ZNF326: variants seen among roughly 807,000 people sequenced by gnomAD.
ZNF326 encodes zinc finger protein 326, also known as DBIRD complex subunit ZNF326.
In ZNF326, 30 loss-of-function variants were observed where a neutral mutation model predicts 63.1. The ratio of observed to expected loss-of-function variants is 0.48; its 90% CI spans 0.36 to 0.64. The LOEUF (loss-of-function observed/expected upper bound fraction) is 0.64, where lower values mean the gene tolerates loss of function less well. Ranked by LOEUF, ZNF326 falls within the 30% of genes least tolerant of loss-of-function variation. The probability of loss-of-function intolerance (pLI) is 0.00; values close to 1 mark genes in which losing one functional copy is unlikely to be tolerated. For synonymous variants in ZNF326, 194 were observed against 228.2 expected (o/e 0.85, Z 1.35); for missense variants, 609 against 720.3 (o/e 0.85, Z 1.77).
chr1:90,024,697 CT>C (rs1649929674), intron 11 of ZNF326, among the ~76,000 whole-genome samples: 2 of 152,048 alleles, frequency 1.3e-5, no homozygotes, highest in Non-Finnish European at 1.5e-5. Context: ...TCACTGCAGC[CT>C]TGAACTCCTG....
rs768079748 is a variant in ZNF326, at chr1:90,005,238, G to A, written c.203G>A (p.Gly68Asp). The part of the protein sequence containing the change: ...GMDNHSGGGG[G>D]SRFGPYESYD... ...GACAATCACAGTGGTGGTGGTGGGG[G>A]TAGCAGGTAAATTGCTTAATCATTT... The change falls in exon 4 of 12, where the codon GGT becomes GAT. Residue 68 changes from glycine (G) to aspartate (D), a missense_variant. Around this residue, in one of 3 missense-constraint regions of ZNF326, gnomAD observed 113 missense variants for 187.4 expected, o/e 0.60. Coordinates refer to ENST00000340281, the MANE Select transcript of ZNF326 (RefSeq NM_182976.4). 1 of 1,610,720 alleles carries A rather than the reference G, an allele frequency of 6.2e-7. No homozygotes were observed. The highest frequency in any genetic ancestry group is 8.5e-7 in the Non-Finnish European group (1 of 1,179,044).
rs1232552220 is a variant in ZNF326 at position 90,033,725 on chromosome 1, A to T, written c.*6024A>T. On this transcript the variant is annotated 3_prime_UTR_variant, in exon 12 of 12. Coordinates refer to ENST00000340281, the MANE Select transcript of ZNF326 (RefSeq NM_182976.4). The stretch of plus-strand genomic sequence containing the variant: ...AAGTTACAGTAAAAGACATAGATGT[A>T]TCTCTTAAAGACATAGAAAACCCAG... 6.6e-6 allele frequency: 1 copy of T among 152,194 alleles called. No individual in the cohort carries two copies. The highest frequency in any genetic ancestry group is 1.5e-5 in the Non-Finnish European group (1 of 68,012). The allele number at this position is 152,194 out of a possible 1,614,324, so 9.4% of individuals were successfully genotyped here.
intron 8 of ZNF326, among the ~76,000 whole-genome samples, chr1:90,017,775 G>A (rs1440573364): frequency 6.6e-6 from 1 of 152,156 alleles, no homozygotes; most frequent in African/African-American, 2.4e-5. Flanking sequence ...CGTTATTTCA[G>A]TTGAGCCCTG....
chr1:90,007,243 A>G lies in ZNF326; in HGVS notation c.210-102A>G. ...AACTGTGCAAACCAGTATGGTATAA[A>G]TGAATTTTAGTTGATAAATGTCATC... On this transcript the variant is annotated intron_variant, in intron 4 of 11. Coordinates refer to ENST00000340281, the MANE Select transcript of ZNF326 (RefSeq NM_182976.4). This position sits in a 1 kb window ranked among gnomAD's most constrained non-coding sequence, Gnocchi z 4.9. 1 of 1,241,588 alleles carries G rather than the reference A, an allele frequency of 8.1e-7. No homozygotes were observed. The highest frequency in any genetic ancestry group is 1.5e-5 in the South Asian group (1 of 68,140). The allele number at this position is 1,241,588 out of a possible 1,614,324, so 76.9% of individuals were successfully genotyped here.
intron 5 of ZNF326, 147 bp from the exon 6 acceptor site, chr1:90,009,940 GT>G: frequency 1.5e-6 from 1 of 677,766 alleles, no homozygotes; most frequent in Non-Finnish European, 2.4e-6. Flanking sequence ...TTTTCAATGT[GT>G]TTTTTCAGAA....
In ZNF326 at chr1:90,030,924, A is replaced by G. The variant is rs1209989934; in HGVS notation, c.*3223A>G. ...CAGTCCTCCCACCTCAGCTTCCCAA[A>G]GTGCTAGAATTACAGGCATGAGCCA... On this transcript the variant is annotated 3_prime_UTR_variant, in exon 12 of 12. Coordinates refer to ENST00000340281, the MANE Select transcript of ZNF326 (RefSeq NM_182976.4). 1.3e-5 allele frequency: 2 copies of G among 152,216 alleles called. No homozygotes were observed. The highest frequency in any genetic ancestry group is 1.5e-5 in the Non-Finnish European group (1 of 68,054). The allele number at this position is 152,216 out of a possible 1,614,324, so 9.4% of individuals were successfully genotyped here. A position where few individuals can be genotyped will look rare whatever the true frequency, so the allele number is the denominator to read the frequency against.
At chr1:90,008,749 A>G (rs1205945876) in intron 5 of ZNF326, among the ~76,000 whole-genome samples, 1 of 152,184 alleles carries the variant, frequency 6.6e-6, no homozygotes, top group Non-Finnish European at 1.5e-5. Flanking sequence ...TTAGCTTTTG[A>G]TATGTCAGTG....
At chr1:90,017,243 A>G (rs189337316) in intron 7 of ZNF326, 74 bp from the exon 8 acceptor site, 3 of 1,042,636 alleles carry the variant, frequency 2.9e-6, no homozygotes, top group Admixed American at 6.8e-5. Context: ...AATTAGTTTC[A>G]ATGTTATATT....
At position 90,022,454 on chromosome 1, in the gene ZNF326, A is replaced by G. The variant is rs976783806; in HGVS notation, c.1401+109A>G. ...TTGAATATAGTATAACATATTAAGAAGAATTTTACTCAGTATCTTGCATAT... is the reference window on the plus strand; with the variant it reads ...TTGAATATAGTATAACATATTAAGAGGAATTTTACTCAGTATCTTGCATAT... On this transcript the variant is annotated intron_variant, in intron 11 of 11. Coordinates refer to ENST00000340281, the MANE Select transcript of ZNF326 (RefSeq NM_182976.4). 9 of 807,252 alleles carry G rather than the reference A, an allele frequency of 1.1e-5. No homozygotes were observed. In the Admixed American group the frequency reaches 2.0e-4, roughly 18 times the overall value. 50.0% of individuals were successfully genotyped at this position (807,252 alleles called of 1,614,324 possible). A position where few individuals can be genotyped will look rare whatever the true frequency, so the allele number is the denominator to read the frequency against.
chr1:90,001,218 A>G (rs1275640223), intron 2 of ZNF326, among the ~76,000 whole-genome samples: 1 of 152,090 alleles, frequency 6.6e-6, no homozygotes, highest in Non-Finnish European at 1.5e-5. Context: ...GGGGGTGCAA[A>G]ATCTCCCCTA....
At chr1:90,011,239 C>T (rs1649216100) in intron 6 of ZNF326, among the ~76,000 whole-genome samples, 1 of 152,054 alleles carries the variant, frequency 6.6e-6, no homozygotes, top group Non-Finnish European at 1.5e-5. Context: ...CCTTCTCTGT[C>T]AGGTGTAAAA....
At position 90,017,299 on chromosome 1, in the gene ZNF326, CTTT is replaced by C. The variant is rs544630103; in HGVS notation, c.927-12_927-10del. 5.8e-6 allele frequency: 9 copies of C among 1,543,546 alleles called. No homozygotes were observed. Among genetic ancestry groups the C allele is most frequent in the Admixed American group, 2.2e-5 (1 of 45,392 alleles). ...GAATAAAGTAATATTTAAAGGAAAA[CTTT>C]TTTTTCTCTTACAGAATGGCATTTA... On this transcript the variant is annotated splice_polypyrimidine_tract_variant and intron_variant, in intron 7 of 11. Coordinates refer to ENST00000340281, the MANE Select transcript of ZNF326 (RefSeq NM_182976.4).
At chr1:89,999,946 AATAAT>A (rs1195063867) in intron 2 of ZNF326, among the ~76,000 whole-genome samples, 13 of 152,246 alleles carry the variant, frequency 8.5e-5, no homozygotes, top group Non-Finnish European at 2.9e-5. Context: ...CAAGATAAGA[AATAAT>A]ATATATGTCA....
intron 8 of ZNF326, among the ~76,000 whole-genome samples, chr1:90,018,291 CAAA>C (rs990615746): frequency 4.3e-5 from 4 of 93,880 alleles, no homozygotes; most frequent in Admixed American, 1.2e-4. Context: ...GACTCCATCT[CAAA>C]AAAAAAAAAA....
Position 90,013,114 on chromosome 1 carries a change from G to T in ZNF326, c.815-12G>T. 6.3e-7 allele frequency: 1 copy of T among 1,597,670 alleles called. No homozygotes were observed. The highest frequency in any genetic ancestry group is 8.5e-7 in the Non-Finnish European group (1 of 1,173,498). On this transcript the variant is annotated splice_polypyrimidine_tract_variant and intron_variant, in intron 6 of 11. Transcript: ENST00000340281. ...TGAATTTTAGCTTTTACTTTTTTGT[G>T]TAATATCCTAGCAAAAACTGATCCT... is the stretch of plus-strand genomic sequence containing the variant.
intron 8 of ZNF326, among the ~76,000 whole-genome samples, chr1:90,017,886 G>C (rs1649575204): frequency 6.6e-6 from 1 of 152,202 alleles, no homozygotes; most frequent in African/African-American, 2.4e-5. Context: ...GTTTAGCAAA[G>C]GGAAAGACAG....
intron 5 of ZNF326, among the ~76,000 whole-genome samples, chr1:90,008,427 TTTC>T (rs1464629902): frequency 2.0e-5 from 3 of 152,342 alleles, no homozygotes; most frequent in African/African-American, 4.8e-5. Context: ...ATGTTTATGG[TTTC>T]TTCTTAGGAA....
Position 90,009,695 on chromosome 1 carries a change from T to C in ZNF326, c.616-393T>C, listed in dbSNP as rs552424616. Among the ~76,000 whole-genome samples the C allele has an allele frequency of 1.1e-4, 17 of 152,268 alleles. No homozygotes were observed. The East Asian group carries it at 2.7e-3, about 24-fold the overall frequency. Reference sequence around the variant, plus strand: ...TTTGTGTATCTTAGTTTTAGTAAAATAAAGATTTCTTTTAGGGTCTTTTCA... The same window carrying C: ...TTTGTGTATCTTAGTTTTAGTAAAACAAAGATTTCTTTTAGGGTCTTTTCA... On this transcript the variant is annotated intron_variant, in intron 5 of 11. Coordinates refer to ENST00000340281, the MANE Select transcript of ZNF326 (RefSeq NM_182976.4).
chr1:90,007,708 T>C lies in ZNF326; in HGVS notation c.573T>C (p.Asp191=). The C allele has an allele frequency of 1.3e-6, 2 of 1,515,664 alleles. No individual in the cohort carries two copies. Among genetic ancestry groups the C allele is most frequent in the Non-Finnish European group, 1.8e-6 (2 of 1,132,804 alleles). 93.9% of individuals were successfully genotyped at this position (1,515,664 alleles called of 1,614,324 possible). A position where few individuals can be genotyped will look rare whatever the true frequency, so the allele number is the denominator to read the frequency against. ...PESTFGSRNY[D]AFGGPSTGRG... is the part of the protein sequence containing the mutation. ...GTACGTTTGGAAGCAGAAACTATGA[T>C]GCTTTTGGAGGACCATCAACAGGCA... The change falls in exon 5 of 12, where the codon GAT becomes GAC. Residue 191 remains aspartate (D), a synonymous_variant. Transcript: ENST00000340281. This position sits in a 1 kb window ranked among gnomAD's most constrained non-coding sequence, Gnocchi z 4.9.
Sources: allele counts gnomAD v4.1 joint callset (sites outside exome capture counted in the v4.1 genomes callset), GRCh38; gene constraint gnomAD v4.1.1; regional missense constraint gnomAD v4.1.1; non-coding constraint Gnocchi (gnomAD v3.1); transcripts MANE v1.5; gene names NCBI Gene and HGNC (gene_info 2026-07-23, HGNC 2026-07-21).